The following CLMP variants were observed in gnomAD, a reference collection of about 807,000 sequenced individuals.
The protein encoded by CLMP is CXADR like cell adhesion molecule.
Under a neutral mutation model 45.2 loss-of-function variants are expected in CLMP, and 27 were observed. That is an observed-to-expected ratio of 0.60 (90% CI 0.44 to 0.82). CLMP has a LOEUF of 0.82. Among genes scored for constraint, CLMP ranks in the 40% least tolerant of loss-of-function variants. The probability of loss-of-function intolerance (pLI) is 0.00; values close to 1 mark genes in which losing one functional copy is unlikely to be tolerated. For missense variants in CLMP, 403 were observed against 448.4 expected (o/e 0.90, Z 0.91); for synonymous variants, 167 against 171.4 (o/e 0.97, Z 0.20).
At chr11:123,188,969 CCA>C (rs772455791) in intron 1 of CLMP, 3 of 152,192 alleles carry the variant, frequency 2.0e-5, no homozygotes, top group Non-Finnish European at 4.4e-5. Context: ...ACCTCATCAT[CCA>C]CAGTCTCAGG....
chr11:123,111,554 TTCTGTTGCTCTTTTAA>T (rs1860638739), intron 1 of CLMP, among the ~76,000 whole-genome samples: 1 of 152,194 alleles, frequency 6.6e-6, no homozygotes, highest in South Asian at 2.1e-4. Flanking sequence ...TTTCTTTCCT[TTCTGTTGCTCTTTTAA>T]TCCACAAGGG....
chr11:123,167,338 C>T lies in CLMP; in HGVS notation c.28+27575G>A, dbSNP rs186558910. Among the ~76,000 whole-genome samples the T allele has an allele frequency of 3.0e-3, 457 of 152,198 alleles. 1 individual carries two copies. The highest frequency in any genetic ancestry group is 6.7e-3 in the African/African-American group (280 of 41,536). On this transcript the variant is annotated intron_variant, in intron 1 of 6. Coordinates refer to ENST00000448775, the MANE Select transcript of CLMP (RefSeq NM_024769.5). ...TTTCACTCTGTCACCCTGGCTGGAA[C>T]GCAGTGGCACGATCTTGGCTCACTG...
chr11:123,147,813 T>C (rs185379836), intron 1 of CLMP, among the ~76,000 whole-genome samples: 86 of 147,444 alleles, frequency 5.8e-4, no homozygotes, highest in African/African-American at 2.0e-3. Context: ...TTAAAGACAC[T>C]GACTTTTTTT....
chr11:123,138,178 C>G (rs1861104789), intron 1 of CLMP, among the ~76,000 whole-genome samples: 1 of 152,068 alleles, frequency 6.6e-6, no homozygotes, highest in South Asian at 2.1e-4. Context: ...ATTCATTAAA[C>G]TAGTATAAGA....
chr11:123,135,386 G>C (rs1861058408), intron 1 of CLMP, among the ~76,000 whole-genome samples: 1 of 152,028 alleles, frequency 6.6e-6, no homozygotes, highest in Non-Finnish European at 1.5e-5. Flanking sequence ...ATATGTACAT[G>C]TATATATGGT....
intron 5 of CLMP, among the ~76,000 whole-genome samples, chr11:123,079,997 G>T (rs1865786040): frequency 1.3e-5 from 2 of 152,228 alleles, no homozygotes; most frequent in South Asian, 4.1e-4. Flanking sequence ...GTGAAGCCCT[G>T]TTCCTAGGCT....
chr11:123,175,316 G>A (rs1861684555), intron 1 of CLMP, among the ~76,000 whole-genome samples: 1 of 152,156 alleles, frequency 6.6e-6, no homozygotes, highest in African/African-American at 2.4e-5. Context: ...AGAGAGAAGA[G>A]CAAAGAAGGA....
intron 1 of CLMP, among the ~76,000 whole-genome samples, chr11:123,138,952 G>C (rs912912687): frequency 6.6e-6 from 1 of 151,942 alleles, no homozygotes; most frequent in Non-Finnish European, 1.5e-5. Context: ...CACTGCGCCT[G>C]GACTCTTCTA....
At chr11:123,160,279 CAAAAAAAAAA>C (rs67087501) in intron 1 of CLMP, among the ~76,000 whole-genome samples, 4 of 46,672 alleles carry the variant, frequency 8.6e-5, no homozygotes, top group Non-Finnish European at 1.0e-4. Context: ...GACTCTGTCT[CAAAAAAAAAA>C]AAAAAAAAAA....
rs544385244 is a variant in CLMP at position 123,081,181 on chromosome 11, C to A, written c.679+1904G>T. ...AAAACAAAAAACAAAAAAAAACCAA[C>A]AACAAAAAAAAACAGGGTGGGGGTT... On this transcript the variant is annotated intron_variant, in intron 5 of 6. Transcript: ENST00000448775. Among the ~76,000 whole-genome samples the A allele has an allele frequency of 4.5e-5, 6 of 132,876 alleles. No homozygotes were observed. In the South Asian group the frequency reaches 1.4e-3, roughly 31 times the overall value. 87.2% of individuals were successfully genotyped at this position (132,876 alleles called of 152,430 possible).
intron 1 of CLMP, among the ~76,000 whole-genome samples, chr11:123,099,663 G>A (rs1477652771): frequency 3.3e-5 from 5 of 152,086 alleles, no homozygotes; most frequent in African/African-American, 1.2e-4. Flanking sequence ...GGGAGATGAT[G>A]GGATCAAAAG....
At chr11:123,163,413 C>T (rs1392067363) in intron 1 of CLMP, among the ~76,000 whole-genome samples, 1 of 152,120 alleles carries the variant, frequency 6.6e-6, no homozygotes, top group African/African-American at 2.4e-5. Context: ...GAAACCTGGT[C>T]TAGACTCCAG....
chr11:123,152,195 A>G (rs1591479356), intron 1 of CLMP, among the ~76,000 whole-genome samples: 1 of 152,130 alleles, frequency 6.6e-6, no homozygotes, highest in Admixed American at 6.6e-5. Flanking sequence ...CTATACACAT[A>G]TATTATTACT....
In CLMP at chr11:123,075,819, G is replaced by C. The variant is rs537530627; in HGVS notation, c.680-976C>G. ...ATTTGGGCATTCCTCTGGCTCTGCC[G>C]ACTTCCCTGTTTTCTCTAACATCTC... On this transcript the variant is annotated intron_variant, in intron 5 of 6. Coordinates refer to ENST00000448775, the MANE Select transcript of CLMP (RefSeq NM_024769.5). Among the ~76,000 whole-genome samples, 3 of 152,164 alleles carry C rather than the reference G, an allele frequency of 2.0e-5. No homozygotes were observed. The East Asian group carries it at 5.8e-4, about 29-fold the overall frequency.
chr11:123,111,427 G>T (rs570058710), intron 1 of CLMP, among the ~76,000 whole-genome samples: 3 of 152,074 alleles, frequency 2.0e-5, no homozygotes, highest in African/African-American at 7.2e-5. Flanking sequence ...CACCATGCCC[G>T]GCCATAGTTT....
At chr11:123,190,001 CAAAAA>C (rs10594946) in intron 1 of CLMP, among the ~76,000 whole-genome samples, 12,972 of 129,056 alleles carry the variant, frequency 0.1, 519 homozygotes, top group Middle Eastern at 0.14. Flanking sequence ...GACTCTGTCT[CAAAAA>C]AAAAAAAAAA....
rs779732527 is a variant in CLMP at position 123,097,859 on chromosome 11, A to G, written c.122T>C (p.Leu41Pro). 2 of 1,610,962 alleles carry G rather than the reference A, an allele frequency of 1.2e-6. No homozygotes were observed. The highest frequency in any genetic ancestry group is 1.7e-6 in the Non-Finnish European group (2 of 1,178,694). ...VTLPCHHQLG[L>P]PEKDTLDIEW... is the part of the protein sequence containing the mutation. ...AATATCCAGAGTGTCTTTTTCTGGA[A>G]GCCCCAGTTGATGGTGGCAGGGCAA... Residue 41 changes from leucine to proline, a missense_variant, in exon 2 of 7, where the codon CTT becomes CCT. Coordinates refer to ENST00000448775, the MANE Select transcript of CLMP (RefSeq NM_024769.5).
chr11:123,123,089 C>T (rs534357134), intron 1 of CLMP, among the ~76,000 whole-genome samples: 15 of 151,928 alleles, frequency 9.9e-5, no homozygotes, highest in Admixed American at 2.0e-4. Flanking sequence ...TTAAATCTTT[C>T]GCTTTCTCTG....
intron 1 of CLMP, among the ~76,000 whole-genome samples, chr11:123,111,296 C>A (rs113016928): frequency 0.097 from 14,747 of 151,940 alleles, 818 homozygotes; most frequent in East Asian, 0.16. Flanking sequence ...ACACCCAGCT[C>A]ATTTTTGTGT....
Sources: gnomAD v4.1 joint callset for allele counts (sites outside exome capture counted in the v4.1 genomes callset) on GRCh38, gnomAD v4.1.1 for gene constraint, MANE v1.5 for transcripts, NCBI Gene and HGNC (gene_info 2026-07-23, HGNC 2026-07-21) for gene names.